CLASP2: variants seen among roughly 807,000 people sequenced by gnomAD.
CLASP2 encodes CLIP-associating protein 2.
In CLASP2, 47 loss-of-function variants were observed where a neutral mutation model predicts 194.4. The ratio of observed to expected loss-of-function variants is 0.24; its 90% CI spans 0.19 to 0.31. The LOEUF (loss-of-function observed/expected upper bound fraction) is 0.31. Among genes scored for constraint, CLASP2 ranks in the 10% least tolerant of loss-of-function variants. The probability of loss-of-function intolerance (pLI) is 1.00; values close to 1 mark genes in which losing one functional copy is unlikely to be tolerated. For synonymous variants in CLASP2, 619 were observed against 633.5 expected, an observed-to-expected ratio of 0.98 and a Z score of 0.34; for missense variants, 1,445 against 1,823.6, an observed-to-expected ratio of 0.79 and a Z score of 3.78.
intron 8 of CLASP2, 88 bp from the exon 9 acceptor site, chr3:33,632,459 T>C (rs2079263333): frequency 2.2e-6 from 2 of 900,382 alleles, no homozygotes; most frequent in Non-Finnish European, 3.3e-6. Context: ...ACTCTTTTGA[T>C]ATCAACAAAA....
intron 18 of CLASP2, 54 bp from the exon 19 acceptor site, chr3:33,596,788 A>G: frequency 7.4e-7 from 1 of 1,350,086 alleles, no homozygotes; most frequent in Non-Finnish European, 1.0e-6. Flanking sequence ...ATTAGAAGAA[A>G]TGATTTTTAT....
intron 22 of CLASP2, among the ~76,000 whole-genome samples, chr3:33,582,423 G>A (rs1366181389): frequency 1.3e-5 from 2 of 152,176 alleles, no homozygotes; most frequent in Non-Finnish European, 2.9e-5. Flanking sequence ...GGGTAGGTGA[G>A]TGGGGAGAAC....
At chr3:33,544,549 A>T (rs993504888) in intron 31 of CLASP2, 149 bp downstream of exon 31, 78 of 677,906 alleles carry the variant, frequency 1.2e-4, no homozygotes, top group Non-Finnish European at 2.4e-5. Flanking sequence ...TCTTTCCAAG[A>T]CAATATTTAA....
intron 7 of CLASP2, among the ~76,000 whole-genome samples, chr3:33,654,151 T>C (rs2083723654): frequency 6.6e-6 from 1 of 152,000 alleles, no homozygotes; most frequent in African/African-American, 2.4e-5. Context: ...CCTTGCAGAA[T>C]AACAGAGAAG....
intron 34 of CLASP2, among the ~76,000 whole-genome samples, chr3:33,517,962 C>A (rs1232471902): frequency 1.3e-5 from 2 of 152,124 alleles, no homozygotes; most frequent in African/African-American, 4.8e-5. Context: ...AATCTTTTAA[C>A]CAAAGGTTTC....
chr3:33,575,612 A>T (rs2064696039), intron 24 of CLASP2, among the ~76,000 whole-genome samples: 1 of 152,160 alleles, frequency 6.6e-6, no homozygotes, highest in Non-Finnish European at 1.5e-5. Flanking sequence ...ACAACGATAT[A>T]TGTATTGCAA....
intron 6 of CLASP2, among the ~76,000 whole-genome samples, chr3:33,682,669 G>T (rs529331371): frequency 1.1e-4 from 17 of 152,254 alleles, no homozygotes; most frequent in African/African-American, 4.1e-4. Flanking sequence ...TGATACACTA[G>T]AAGATTATCA....
chr3:33,689,176 CAA>C, intron 3 of CLASP2, among the ~76,000 whole-genome samples: 1 of 129,324 alleles, frequency 7.7e-6, no homozygotes, highest in East Asian at 2.2e-4. Context: ...TAAGAAATTA[CAA>C]AAAAAAAAAA....
intron 18 of CLASP2, chr3:33,602,530 G>T (rs1182961162): frequency 1.3e-6 from 1 of 761,978 alleles, no homozygotes; most frequent in Admixed American, 1.7e-5. Flanking sequence ...ATATGTTTAG[G>T]GTTTGGTTAG....
intron 34 of CLASP2, 135 bp from the exon 35 acceptor site, chr3:33,517,309 T>A: frequency 1.5e-6 from 1 of 666,098 alleles, no homozygotes; most frequent in Non-Finnish European, 2.3e-6. Context: ...AAAAAGACAT[T>A]AAGTAATCTT....
rs548700138 is a variant in CLASP2, at chr3:33,622,116, A to G, written c.1181+19T>C. Reference sequence around the variant, plus strand: ...AATTCATTCATAAAAAACACTTATCATAAAAGGAATATACTTACGCTACAG... The same window carrying G: ...AATTCATTCATAAAAAACACTTATCGTAAAAGGAATATACTTACGCTACAG... On this transcript the variant is annotated intron_variant, in intron 11 of 38. Coordinates refer to ENST00000682230, the MANE Select transcript of CLASP2 (RefSeq NM_001365631.1). 6 of 1,517,404 alleles carry G rather than the reference A, an allele frequency of 4.0e-6. No homozygotes were observed. The South Asian group carries it at 7.8e-5, about 20-fold the overall frequency. The allele number at this position is 1,517,404 out of a possible 1,614,324, so 94.0% of individuals were successfully genotyped here.
intron 8 of CLASP2, among the ~76,000 whole-genome samples, chr3:33,643,546 T>G (rs181637317): frequency 3.0e-4 from 46 of 152,050 alleles, no homozygotes; most frequent in South Asian, 2.9e-3. Flanking sequence ...AAAGTATAGA[T>G]TACTTGAAAC....
Position 33,580,327 on chromosome 3 carries a change from C to T in CLASP2, c.2347+1494G>A, listed in dbSNP as rs374287672. The stretch of plus-strand genomic sequence containing the variant: ...CTGTAATCCTAACACTTTGGGAGGC[C>T]GAGGTAGGTGGATCACCTGAGGTCA... On this transcript the variant is annotated intron_variant, in intron 23 of 38. Transcript: ENST00000682230. Among the ~76,000 whole-genome samples, 16 of 152,046 alleles carry T rather than the reference C, an allele frequency of 1.1e-4. No homozygotes were observed. The South Asian group carries it at 2.3e-3, about 22-fold the overall frequency.
At chr3:33,650,366 G>A (rs1230456931) in intron 7 of CLASP2, among the ~76,000 whole-genome samples, 3 of 152,140 alleles carry the variant, frequency 2.0e-5, no homozygotes, top group East Asian at 3.8e-4. Context: ...AACACAAAAA[G>A]CAAATTACAA....
intron 29 of CLASP2, among the ~76,000 whole-genome samples, chr3:33,555,354 C>T (rs1393337225): frequency 6.7e-6 from 1 of 148,774 alleles, no homozygotes. Flanking sequence ...TATGACAGCA[C>T]ATAATATTCT....
chr3:33,685,489 A>G (rs1234546142), intron 5 of CLASP2, among the ~76,000 whole-genome samples: 1 of 152,150 alleles, frequency 6.6e-6, no homozygotes, highest in Non-Finnish European at 1.5e-5. Context: ...CTGAACTCAA[A>G]CAGATACTTT....
chr3:33,551,082 C>T (rs1016231968), intron 30 of CLASP2, among the ~76,000 whole-genome samples, 170 bp downstream of exon 30: 18 of 152,106 alleles, frequency 1.2e-4, no homozygotes, highest in African/African-American at 4.3e-4. Flanking sequence ...GAAAATTATG[C>T]TCACATTAAT....
chr3:33,669,236 G>C (rs1372523168), intron 6 of CLASP2, among the ~76,000 whole-genome samples: 8 of 152,126 alleles, frequency 5.3e-5, no homozygotes, highest in African/African-American at 1.7e-4. Flanking sequence ...ATTTTTACCT[G>C]AAGTCTTTTA....
In CLASP2 at chr3:33,498,637, T is replaced by C. The variant is rs763206068; in HGVS notation, c.4515A>G (p.Gln1505=). 10 of 1,608,066 alleles carry C rather than the reference T, an allele frequency of 6.2e-6. No homozygotes were observed. Among genetic ancestry groups the C allele is most frequent in the Non-Finnish European group, 7.7e-6 (9 of 1,175,642 alleles). ...TTCGCTGTGATGAGCTTCACTAACT[T>C]TGTCCAGAAACATCAGTAGTGGGAT... ...GADPTTDVSG[Q]S Residue 1505 remains glutamine, a synonymous_variant, in exon 39 of 39, where the codon CAA becomes CAG. Transcript: ENST00000682230.
Sources: allele counts gnomAD v4.1 joint callset (sites outside exome capture counted in the v4.1 genomes callset), GRCh38; gene constraint gnomAD v4.1.1; transcripts MANE v1.5; gene names NCBI Gene and HGNC (gene_info 2026-07-23, HGNC 2026-07-21).